The following DPP10 variants were observed in gnomAD, a reference collection of about 807,000 sequenced individuals.
DPP10 encodes the protein inactive dipeptidyl peptidase 10.
DPP10 carries 33 observed loss-of-function variants against 120.9 expected under a neutral mutation model. The ratio of observed to expected loss-of-function variants is 0.27; its 90% CI spans 0.21 to 0.37. The LOEUF is 0.37. Among genes scored for constraint, DPP10 ranks in the 10% least tolerant of loss-of-function variants. The pLI, the probability that DPP10 is intolerant of heterozygous loss-of-function variation, is 1.00. For synonymous variants in DPP10, 337 were observed against 326.1 expected (o/e 1.03, Z -0.36); for missense variants, 816 against 942.8 (o/e 0.87, Z 1.76).
chr2:115,273,279 T>C (rs565745426), intron 1 of DPP10, among the ~76,000 whole-genome samples: 1 of 152,244 alleles, frequency 6.6e-6, no homozygotes, highest in Non-Finnish European at 1.5e-5. Context: ...AGTACTCTCC[T>C]TCATGGCCAG....
intron 1 of DPP10, among the ~76,000 whole-genome samples, chr2:115,254,641 T>A (rs2058899435): frequency 6.6e-6 from 1 of 152,168 alleles, no homozygotes. Context: ...AGCAAGTTAG[T>A]TACTTCACAG....
chr2:114,728,294 T>TA (rs1676547083), intron 1 of DPP10, among the ~76,000 whole-genome samples: 2 of 152,218 alleles, frequency 1.3e-5, no homozygotes, highest in South Asian at 4.1e-4. Context: ...CAAGATGCCC[T>TA]GCTTATTCTT....
At chr2:114,569,867 TAATC>T (rs1398423231) in intron 1 of DPP10, among the ~76,000 whole-genome samples, 5 of 152,354 alleles carry the variant, frequency 3.3e-5, no homozygotes, top group African/African-American at 1.2e-4. Flanking sequence ...AGCCATCTGT[TAATC>T]AATTATTTAT....
At chr2:115,394,175 G>T (rs1044328284) in intron 3 of DPP10, among the ~76,000 whole-genome samples, 6 of 152,154 alleles carry the variant, frequency 3.9e-5, no homozygotes, top group Admixed American at 2.6e-4. Flanking sequence ...GATGTAATCA[G>T]ATTTTCATTT....
chr2:115,527,094 A>G (rs181863416), intron 5 of DPP10, among the ~76,000 whole-genome samples: 225 of 152,284 alleles, frequency 1.5e-3, no homozygotes, highest in Non-Finnish European at 2.5e-3. Context: ...AAAGTCTGCT[A>G]TATTAAACTG....
At chr2:114,918,732 G>T (rs1275397908) in intron 1 of DPP10, among the ~76,000 whole-genome samples, 1 of 152,108 alleles carries the variant, frequency 6.6e-6, no homozygotes, top group African/African-American at 2.4e-5. Context: ...CTTATATGTG[G>T]ATGCTAAACA....
chr2:114,528,605 C>T (rs534081001), intron 1 of DPP10, among the ~76,000 whole-genome samples: 1 of 151,604 alleles, frequency 6.6e-6, no homozygotes, highest in East Asian at 1.9e-4. Context: ...GAGGAACTCA[C>T]TGTAGCTTGA....
intron 3 of DPP10, among the ~76,000 whole-genome samples, chr2:115,414,310 C>T (rs1041767077): frequency 3.3e-5 from 5 of 152,042 alleles, no homozygotes; most frequent in South Asian, 2.1e-4. Flanking sequence ...GCGACAGAGC[C>T]GAGTCTAGAT....
At chr2:115,025,277 T>C (rs1703378587) in intron 1 of DPP10, among the ~76,000 whole-genome samples, 1 of 152,152 alleles carries the variant, frequency 6.6e-6, no homozygotes, top group Non-Finnish European at 1.5e-5. Context: ...GCTTGACTTA[T>C]TTCACCTAGC....
intron 3 of DPP10, among the ~76,000 whole-genome samples, chr2:115,482,173 A>C (rs1239461173): frequency 6.6e-6 from 1 of 151,990 alleles, no homozygotes; most frequent in African/African-American, 2.4e-5. Context: ...TATACCTTTA[A>C]AAAATAAATT....
At chr2:114,752,980 G>T (rs986124422) in intron 1 of DPP10, among the ~76,000 whole-genome samples, 2 of 152,204 alleles carry the variant, frequency 1.3e-5, no homozygotes, top group Non-Finnish European at 2.9e-5. Context: ...AGCATCCCTT[G>T]ATGGGGACCT....
intron 7 of DPP10, among the ~76,000 whole-genome samples, chr2:115,717,803 G>C (rs2092542630): frequency 6.6e-6 from 1 of 152,122 alleles, no homozygotes; most frequent in Non-Finnish European, 1.5e-5. Flanking sequence ...CTGAGGGTCT[G>C]CTGTTGCTCT....
intron 1 of DPP10, among the ~76,000 whole-genome samples, chr2:114,593,483 C>G (rs1691630535): frequency 6.6e-6 from 1 of 152,226 alleles, no homozygotes; most frequent in African/African-American, 2.4e-5. Context: ...GTCTCTGAAG[C>G]TGATTTCCTC....
At chr2:115,519,300 A>G (rs996102098) in intron 4 of DPP10, among the ~76,000 whole-genome samples, 3 of 152,168 alleles carry the variant, frequency 2.0e-5, no homozygotes, top group Non-Finnish European at 4.4e-5. Flanking sequence ...GTGTCAGTCT[A>G]TATGGATTAG....
At chr2:114,713,084 T>C (rs1295734452) in intron 1 of DPP10, among the ~76,000 whole-genome samples, 2 of 151,510 alleles carry the variant, frequency 1.3e-5, no homozygotes, top group Non-Finnish European at 2.9e-5. Flanking sequence ...CCTCCTGGGT[T>C]CAAGCGATTC....
At chr2:115,758,865 T>A (rs1679754001) in intron 11 of DPP10, among the ~76,000 whole-genome samples, 2 of 152,050 alleles carry the variant, frequency 1.3e-5, no homozygotes, top group Admixed American at 6.6e-5. Flanking sequence ...GCTGAAAAAA[T>A]TGGCATCCCG....
intron 1 of DPP10, among the ~76,000 whole-genome samples, chr2:114,829,438 C>A (rs1686874351): frequency 6.8e-6 from 1 of 147,942 alleles, no homozygotes; most frequent in Non-Finnish European, 1.5e-5. Flanking sequence ...GGCTGGAGTG[C>A]AATGGCAAGA....
intron 3 of DPP10, among the ~76,000 whole-genome samples, chr2:115,381,853 G>A (rs2066395895): frequency 6.6e-6 from 1 of 152,086 alleles, no homozygotes; most frequent in African/African-American, 2.4e-5. Flanking sequence ...GTGCCTCCCA[G>A]TTAGGCTTCT....
intron 1 of DPP10, among the ~76,000 whole-genome samples, chr2:115,023,589 T>C (rs573042269): frequency 6.6e-6 from 1 of 152,222 alleles, no homozygotes; most frequent in Non-Finnish European, 1.5e-5. Flanking sequence ...AGTGTGGAGA[T>C]TCCTTAAAGA....
Sources: allele counts gnomAD v4.1 joint callset (sites outside exome capture counted in the v4.1 genomes callset), GRCh38; gene constraint gnomAD v4.1.1; transcripts MANE v1.5; gene names NCBI Gene and HGNC (gene_info 2026-07-23, HGNC 2026-07-21).